Variants in REDIC1 observed in about 807,000 individuals in gnomAD.
REDIC1 encodes HEI10 Interacting Protein 1.
the REDIC1 span, among the ~76,000 whole-genome samples, chr12:39,728,780 C>CTTTTT: frequency 5.8e-4 from 53 of 92,090 alleles, no homozygotes; most frequent in African/African-American, 7.0e-4. Context: ...TGGTCCTGGG[C>CTTTTT]TTTTTTTTTT....
the REDIC1 span, chr12:39,907,905 C>T: frequency 1.3e-5 from 2 of 151,150 alleles, no homozygotes; most frequent in African/African-American, 2.5e-5. Flanking sequence ...CCCAACCCAC[C>T]CATTCTTTTT....
chr12:39,888,109 G>T, the REDIC1 span, among the ~76,000 whole-genome samples: 1 of 152,204 alleles, frequency 6.6e-6, no homozygotes, highest in Admixed American at 6.5e-5. Flanking sequence ...ATGTGCTTCT[G>T]GAGAAGTAAC....
the REDIC1 span, among the ~76,000 whole-genome samples, chr12:39,694,588 T>C: frequency 6.6e-6 from 1 of 152,178 alleles, no homozygotes; most frequent in Non-Finnish European, 1.5e-5. Context: ...ATCCTAGTGG[T>C]CAATACTTGA....
the REDIC1 span, among the ~76,000 whole-genome samples, chr12:39,714,053 A>G: frequency 6.8e-6 from 1 of 147,452 alleles, no homozygotes; most frequent in African/African-American, 2.4e-5. Context: ...ACACATGTAT[A>G]TACACGTATG....
chr12:39,764,484 T>G, the REDIC1 span: 1 of 1,602,136 alleles, frequency 6.2e-7, no homozygotes, highest in Non-Finnish European at 8.5e-7. Flanking sequence ...TACTCTGCTG[T>G]GTGTAAAAAT....
the REDIC1 span, chr12:39,760,068 A>G: frequency 6.2e-7 from 1 of 1,612,708 alleles, no homozygotes. Flanking sequence ...GATGATAGTT[A>G]CTTCCCTTTA....
At chr12:39,863,262 G>T in the REDIC1 span, among the ~76,000 whole-genome samples, 7 of 152,100 alleles carry the variant, frequency 4.6e-5, no homozygotes, top group Non-Finnish European at 8.8e-5. Context: ...AAACTGCTGT[G>T]CAGTGAGATA....
the REDIC1 span, among the ~76,000 whole-genome samples, chr12:39,905,192 T>C: frequency 6.6e-6 from 1 of 152,260 alleles, no homozygotes; most frequent in East Asian, 1.9e-4. Flanking sequence ...TTTATAATAC[T>C]CTGAACACTG....
the REDIC1 span, among the ~76,000 whole-genome samples, chr12:39,822,517 C>A: frequency 1.3e-5 from 2 of 152,180 alleles, no homozygotes; most frequent in African/African-American, 4.8e-5. Context: ...TCTCAGCCCC[C>A]TTTTTAATAA....
At chr12:39,843,763 A>C in the REDIC1 span, among the ~76,000 whole-genome samples, 5 of 152,056 alleles carry the variant, frequency 3.3e-5, no homozygotes, top group African/African-American at 7.2e-5. Flanking sequence ...CTGAGATATA[A>C]GCAGAGTTGT....
the REDIC1 span, chr12:39,907,639 A>G: frequency 2.6e-5 from 4 of 152,272 alleles, no homozygotes; most frequent in East Asian, 7.7e-4. Flanking sequence ...CATAGATTAC[A>G]ATTCACCTAC....
At chr12:39,744,645 G>A in the REDIC1 span, among the ~76,000 whole-genome samples, 1 of 152,154 alleles carries the variant, frequency 6.6e-6, no homozygotes, top group African/African-American at 2.4e-5. Context: ...AAACTCCAGG[G>A]CAACCACTAA....
chr12:39,711,952 TAC>T, the REDIC1 span, among the ~76,000 whole-genome samples: 7 of 129,798 alleles, frequency 5.4e-5, no homozygotes, highest in African/African-American at 2.0e-4. Context: ...CATGTATACA[TAC>T]ATATATATCT....
At chr12:39,846,122 T>C in the REDIC1 span, among the ~76,000 whole-genome samples, 1 of 152,174 alleles carries the variant, frequency 6.6e-6, no homozygotes. Flanking sequence ...AATCAACAAT[T>C]CATCTTAGAA....
chr12:39,906,618 T>C, the REDIC1 span, among the ~76,000 whole-genome samples: 2 of 152,168 alleles, frequency 1.3e-5, no homozygotes, highest in African/African-American at 2.4e-5. Flanking sequence ...GCTGGGTCTA[T>C]ACTTGGTTGT....
At chr12:39,739,198 C>T in the REDIC1 span, among the ~76,000 whole-genome samples, 3 of 152,092 alleles carry the variant, frequency 2.0e-5, no homozygotes, top group Non-Finnish European at 4.4e-5. Context: ...ATTCTGTTTA[C>T]AACTACAACT....
chr12:39,788,743 A>G, the REDIC1 span: 1 of 152,132 alleles, frequency 6.6e-6, no homozygotes, highest in Admixed American at 6.6e-5. Flanking sequence ...GTAGTAATAT[A>G]ATGATGCTGA....
At chr12:39,626,585 G>A in the REDIC1 span, among the ~76,000 whole-genome samples, 1 of 152,162 alleles carries the variant, frequency 6.6e-6, no homozygotes, top group Non-Finnish European at 1.5e-5. Flanking sequence ...CTTCACCTGT[G>A]GGGGCCACTG....
At chr12:39,708,831 T>A in the REDIC1 span, among the ~76,000 whole-genome samples, 1 of 151,864 alleles carries the variant, frequency 6.6e-6, no homozygotes, top group East Asian at 1.9e-4. Context: ...TTTTAAAAAG[T>A]TTTTTCCTGG....
Sources: allele counts gnomAD v4.1 joint callset (sites outside exome capture counted in the v4.1 genomes callset), GRCh38; gene constraint gnomAD v4.1.1; transcripts MANE v1.5; gene names NCBI Gene and HGNC (gene_info 2026-07-23, HGNC 2026-07-21).